Variants in GTSE1 observed in about 807,000 individuals in gnomAD.
GTSE1 encodes the protein G2 and S phase-expressed protein 1.
In GTSE1, 52 loss-of-function variants were observed where a neutral mutation model predicts 60.5. The ratio of observed to expected loss-of-function variants is 0.86; its 90% confidence interval spans 0.69 to 1.08. The LOEUF (loss-of-function observed/expected upper bound fraction) is 1.08. Among genes scored for constraint, GTSE1 ranks in the 50% least tolerant of loss-of-function variants. The probability of loss-of-function intolerance (pLI) is 0.00; values close to 1 mark genes in which losing one functional copy is unlikely to be tolerated. For missense variants in GTSE1, 937 were observed against 961.8 expected (o/e 0.97, Z 0.34); for synonymous variants, 368 against 386.5 (o/e 0.95, Z 0.56).
chr22:46,323,352 G>A, intron 8 of GTSE1, 90 bp downstream of exon 8: 9 of 1,000,238 alleles, frequency 9.0e-6, no homozygotes, highest in Non-Finnish European at 1.4e-5. Context: ...CCTGCAGCCT[G>A]GCCTGCGCAT....
Position 46,316,371 on chromosome 22 carries a change from C to T in GTSE1, c.1391C>T (p.Pro464Leu), listed in dbSNP as rs774068785. 1 of 1,599,778 alleles carries T rather than the reference C, an allele frequency of 6.3e-7. No homozygotes were observed. Among genetic ancestry groups the T allele is most frequent in the Non-Finnish European group, 8.6e-7 (1 of 1,168,738 alleles). The change falls in exon 7 of 12, where the codon CCT (proline) becomes CTT (leucine). Residue 464 changes from proline to leucine, a missense_variant. Physicochemically the swap from Pro to Leu is moderately conservative, Grantham distance 98. Coordinates refer to ENST00000454366, the MANE Select transcript of GTSE1 (RefSeq NM_016426.7). This position sits in a 1 kb window ranked among gnomAD's most constrained non-coding sequence, Gnocchi z 5.0. ...SCLNSKTKVM[P>L]TPTNQFKIPK... ...CTAAATTCCAAGACAAAGGTTATGC[C>T]TACTCCTACAAATCAATTTAAAATT... is the stretch of plus-strand genomic sequence containing the variant.
At position 46,326,474 on chromosome 22, in the gene GTSE1, G is replaced by A. The variant is rs2077844496; in HGVS notation, c.1544G>A (p.Gly515Glu). 6.2e-7 allele frequency: 1 copy of A among 1,612,764 alleles called. No homozygotes were observed. The highest frequency in any genetic ancestry group is 1.7e-5 in the Admixed American group (1 of 59,946). Residue 515 changes from glycine (G) to glutamate (E), a missense_variant, in exon 9 of 12, where the codon GGG (glycine) becomes GAG (glutamate). Gly to Glu is a moderately conservative substitution (Grantham distance 98). Transcript: ENST00000454366. Reference sequence around the variant, plus strand: ...AGCACCCCGGTTAGACGCTCATCTGGGCCAGCACCACAAAGCCTGCTGAGC... The same window carrying A: ...AGCACCCCGGTTAGACGCTCATCTGAGCCAGCACCACAAAGCCTGCTGAGC... ...VHSTPVRRSS[G>E]PAPQSLLSAW...
chr22:46,328,590 C>G (rs988433219), intron 9 of GTSE1, 98 bp from the exon 10 acceptor site: 7 of 933,894 alleles, frequency 7.5e-6, no homozygotes, highest in Non-Finnish European at 1.2e-5. Flanking sequence ...CGCACTCCAC[C>G]CAGGACACTG....
At position 46,329,468 on chromosome 22, in the gene GTSE1, C is replaced by T. The variant is rs200530117; in HGVS notation, c.2037C>T (p.His679=). The T allele has an allele frequency of 1.5e-5, 25 of 1,614,122 alleles. No individual in the cohort carries two copies. The highest frequency in any genetic ancestry group is 1.0e-4 in the Admixed American group (6 of 60,014). Residue 679 remains histidine (H), a synonymous_variant, in exon 11 of 12, where the codon CAC becomes CAT. Transcript: ENST00000454366. This position sits in a 1 kb window ranked among gnomAD's most constrained non-coding sequence, Gnocchi z 6.4. ...LIDFCDTPEA[H]VAVGSESRPL... The stretch of plus-strand genomic sequence containing the variant: ...ACTTCTGCGATACCCCAGAAGCACA[C>T]GTGGCTGTAGGATCTGAAAGCAGGC...
rs2077738274 is a variant in GTSE1 at position 46,309,804 on chromosome 22, G to A, written c.762+861G>A. 6.6e-6 allele frequency among the ~76,000 whole-genome samples: 1 copy of A among 152,228 alleles called. No individual in the cohort carries two copies. Among genetic ancestry groups the A allele is most frequent in the African/African-American group, 2.4e-5 (1 of 41,456 alleles). On this transcript the variant is annotated intron_variant, in intron 4 of 11. Transcript: ENST00000454366. This position sits in a 1 kb window ranked among gnomAD's most constrained non-coding sequence, Gnocchi z 6.2. Reference sequence around the variant, plus strand: ...CTGCCACCCCCAACAGCTGGGGCCTGCAAACTCCTTTATTTGGAGCCCGTT... The same window carrying A: ...CTGCCACCCCCAACAGCTGGGGCCTACAAACTCCTTTATTTGGAGCCCGTT...
rs375962754 is a variant in GTSE1 at position 46,329,121 on chromosome 22, G to C, written c.1926+232G>C. 6 of 623,358 alleles carry C rather than the reference G, an allele frequency of 9.6e-6. No homozygotes were observed. The highest frequency in any genetic ancestry group is 2.9e-5 in the Admixed American group (1 of 35,044). 38.6% of individuals were successfully genotyped at this position (623,358 alleles called of 1,614,324 possible). On this transcript the variant is annotated intron_variant, in intron 10 of 11. Transcript: ENST00000454366. This position sits in a 1 kb window ranked among gnomAD's most constrained non-coding sequence, Gnocchi z 6.4. ...GGTCAGGGATCAAAGCTGAGGAAGC[G>C]GGAAGCAGGGTGGCAGGAGCTGGTG...
At chr22:46,300,809 A>G (rs1174304831) in intron 2 of GTSE1, among the ~76,000 whole-genome samples, 1 of 152,242 alleles carries the variant, frequency 6.6e-6, no homozygotes, top group Non-Finnish European at 1.5e-5. Flanking sequence ...ACGCCAGACC[A>G]TTAGAAGTTT....
chr22:46,328,624 C>T, intron 9 of GTSE1, 64 bp from the exon 10 acceptor site: 1 of 1,294,880 alleles, frequency 7.7e-7, no homozygotes, highest in Non-Finnish European at 1.1e-6. Flanking sequence ...ACTTGCTTCC[C>T]ACATCAGCCA....
In GTSE1 at chr22:46,312,189, G is replaced by A; in HGVS notation, c.811G>A (p.Glu271Lys). Residue 271 changes from glutamate to lysine, a missense_variant, in exon 5 of 12, where the codon GAG becomes AAG. Physicochemically the swap from Glu to Lys is moderately conservative, Grantham distance 56. Transcript: ENST00000454366. ...TCCTTCCAGGACAAAAATCCCAGCT[G>A]AGAAGGAATCCCACCGGGATGTTCT... The part of the protein sequence containing the change: ...ASPSRTKIPA[E>K]KESHRDVLPD... The A allele has an allele frequency of 6.2e-7, 1 of 1,613,972 alleles. No homozygotes were observed. Among genetic ancestry groups the A allele is most frequent in the Non-Finnish European group, 8.5e-7 (1 of 1,179,904 alleles).
At chr22:46,302,890 T>G (rs1027175336) in intron 2 of GTSE1, among the ~76,000 whole-genome samples, 1 of 150,086 alleles carries the variant, frequency 6.7e-6, no homozygotes, top group Admixed American at 6.7e-5. Flanking sequence ...TTTTTCACTT[T>G]CCCTCTTTTT....
rs1380248429 is a variant in GTSE1, at chr22:46,309,327, G to A, written c.762+384G>A. ...TTACACTGCATTCCTCCTGGGCACT[G>A]AGTGAGGTGAGCTTTCCTGGGAGGT... On this transcript the variant is annotated intron_variant, in intron 4 of 11. Coordinates refer to ENST00000454366, the MANE Select transcript of GTSE1 (RefSeq NM_016426.7). The surrounding 1 kb of genome is among the most constrained non-coding windows in gnomAD (Gnocchi z 6.2). Among the ~76,000 whole-genome samples, 1 of 152,218 alleles carries A rather than the reference G, an allele frequency of 6.6e-6. No homozygotes were observed. The highest frequency in any genetic ancestry group is 1.5e-5 in the Non-Finnish European group (1 of 68,022).
Position 46,309,446 on chromosome 22 carries a change from A to G in GTSE1, c.762+503A>G, listed in dbSNP as rs2077736135. Among the ~76,000 whole-genome samples the G allele has an allele frequency of 6.6e-6, 1 of 152,022 alleles. No individual in the cohort carries two copies. The highest frequency in any genetic ancestry group is 2.4e-5 in the African/African-American group (1 of 41,402). On this transcript the variant is annotated intron_variant, in intron 4 of 11. Coordinates refer to ENST00000454366, the MANE Select transcript of GTSE1 (RefSeq NM_016426.7). This position sits in a 1 kb window ranked among gnomAD's most constrained non-coding sequence, Gnocchi z 6.2. ...GGGGAAAGCTGGGTGTGAGCACAGG[A>G]CTTGCTGCCAGGGCTGCCCGATCTG...
In GTSE1 at chr22:46,314,658, T is replaced by A. The variant is rs1052410535; in HGVS notation, c.1051+645T>A. ...TGGCAGGCCAAGATGGGTGGATCGC[T>A]TGACCCCTGGAGTTTGAGACCAGCC... On this transcript the variant is annotated intron_variant, in intron 6 of 11. Coordinates refer to ENST00000454366, the MANE Select transcript of GTSE1 (RefSeq NM_016426.7). This position sits in a 1 kb window ranked among gnomAD's most constrained non-coding sequence, Gnocchi z 7.1. 6.6e-6 allele frequency among the ~76,000 whole-genome samples: 1 copy of A among 151,930 alleles called. No individual in the cohort carries two copies. The highest frequency in any genetic ancestry group is 6.5e-5 in the Admixed American group (1 of 15,268).
intron 2 of GTSE1, among the ~76,000 whole-genome samples, chr22:46,301,446 T>C (rs1469994678): frequency 3.9e-5 from 6 of 152,014 alleles, no homozygotes; most frequent in Non-Finnish European, 1.5e-5. Context: ...GCCAGTCATA[T>C]AGGCGAAAAC....
At chr22:46,311,441 A>G (rs944018063) in intron 4 of GTSE1, among the ~76,000 whole-genome samples, 1 of 152,248 alleles carries the variant, frequency 6.6e-6, no homozygotes, top group Non-Finnish European at 1.5e-5. Context: ...GTTGTACAAC[A>G]TAACAGATCT....
chr22:46,299,247 A>C (rs1190254786), intron 2 of GTSE1, among the ~76,000 whole-genome samples: 2 of 152,214 alleles, frequency 1.3e-5, no homozygotes, highest in African/African-American at 4.8e-5. Flanking sequence ...GATTTCCCCA[A>C]GACCTGCTCT....
In GTSE1 at chr22:46,314,163, C is replaced by T; in HGVS notation, c.1051+150C>T. 5.3e-6 allele frequency: 5 copies of T among 935,306 alleles called. No individual in the cohort carries two copies. Among genetic ancestry groups the T allele is most frequent in the Non-Finnish European group, 8.0e-6 (5 of 622,286 alleles). 57.9% of individuals were successfully genotyped at this position (935,306 alleles called of 1,614,324 possible). On this transcript the variant is annotated intron_variant, in intron 6 of 11. Transcript: ENST00000454366. This position sits in a 1 kb window ranked among gnomAD's most constrained non-coding sequence, Gnocchi z 7.1. ...TGTGTGCGGTGGACCAGGCTGTGGA[C>T]TGAGTTGCTGTACCTGCCCTCAGTG...
In GTSE1 at chr22:46,323,217, A is replaced by G. The variant is rs752760926; in HGVS notation, c.1460A>G (p.Lys487Arg). The G allele has an allele frequency of 5.0e-6, 8 of 1,614,048 alleles. No homozygotes were observed. The highest frequency in any genetic ancestry group is 1.7e-5 in the Admixed American group (1 of 60,026). Residue 487 changes from lysine to arginine, a missense_variant, in exon 8 of 12, where the codon AAG becomes AGG. Transcript: ENST00000454366. ...GACTCCCCGGACAGCTCAACACCAA[A>G]GCTTTCGCGGGCACAGCGGCCGCAG... ...IGDSPDSSTP[K>R]LSRAQRPQSC... is the part of the protein sequence containing the mutation.
intron 3 of GTSE1, 31 bp downstream of exon 3, chr22:46,308,238 G>A: frequency 1.2e-6 from 2 of 1,606,856 alleles, no homozygotes; most frequent in Non-Finnish European, 1.7e-6. Flanking sequence ...CCCTTGCCTT[G>A]GGCATAACCA....
Sources: gnomAD v4.1 joint callset for allele counts (sites outside exome capture counted in the v4.1 genomes callset) on GRCh38, gnomAD v4.1.1 for gene constraint, Gnocchi (gnomAD v3.1) non-coding constraint, MANE v1.5 for transcripts, NCBI Gene and HGNC (gene_info 2026-07-23, HGNC 2026-07-21) for gene names.